Variants in DNER observed in about 807,000 individuals in gnomAD.
DNER encodes the protein delta/notch like EGF repeat containing.
In DNER, 33 loss-of-function variants were observed where a neutral mutation model predicts 78.2. The observed-to-expected ratio is 0.42, with a 90% CI of 0.32 to 0.56. DNER has a LOEUF of 0.56. DNER is among the 20% of genes least tolerant of loss of function. DNER has a pLI of 0.11. For synonymous variants in DNER, 417 were observed against 384.8 expected (o/e 1.08, Z -0.98); for missense variants, 918 against 975.3 (o/e 0.94, Z 0.78).
At chr2:229,567,381 C>T (rs1220379802) in intron 4 of DNER, among the ~76,000 whole-genome samples, 2 of 152,128 alleles carry the variant, frequency 1.3e-5, no homozygotes. Flanking sequence ...ACTCAGAAAA[C>T]ATTTTGAAAG....
At chr2:229,588,959 C>T (rs752957243) in intron 2 of DNER, among the ~76,000 whole-genome samples, 1 of 152,242 alleles carries the variant, frequency 6.6e-6, no homozygotes, top group Non-Finnish European at 1.5e-5. Flanking sequence ...CTTCTGTGTG[C>T]TGATGGGTCC....
chr2:229,653,571 C>T (rs576857493), intron 1 of DNER, among the ~76,000 whole-genome samples: 2 of 148,478 alleles, frequency 1.3e-5, no homozygotes, highest in Admixed American at 6.7e-5. Flanking sequence ...GCTAGCACCC[C>T]CTGCCCAACA....
At chr2:229,667,741 T>C (rs2154216730) in intron 1 of DNER, among the ~76,000 whole-genome samples, 1 of 152,326 alleles carries the variant, frequency 6.6e-6, no homozygotes, top group South Asian at 2.1e-4. Context: ...TATAGCTTAA[T>C]GGTTTCAACA....
At chr2:229,707,033 C>G (rs1017316664) in intron 1 of DNER, among the ~76,000 whole-genome samples, 1 of 151,878 alleles carries the variant, frequency 6.6e-6, no homozygotes, top group African/African-American at 2.4e-5. Flanking sequence ...TTTTTTCCCC[C>G]GAGACAGAGT....
intron 5 of DNER, among the ~76,000 whole-genome samples, chr2:229,540,564 T>C (rs771063534): frequency 6.6e-6 from 1 of 152,184 alleles, no homozygotes; most frequent in Non-Finnish European, 1.5e-5. Flanking sequence ...ACAGTGGGTA[T>C]TATCAAGCAA....
chr2:229,515,134 A>C (rs1014897789), intron 5 of DNER, among the ~76,000 whole-genome samples: 1 of 152,220 alleles, frequency 6.6e-6, no homozygotes. Flanking sequence ...CTAGCAATAA[A>C]ATGAGGATCT....
chr2:229,432,824 G>A (rs1236877368), intron 8 of DNER, among the ~76,000 whole-genome samples: 4 of 152,188 alleles, frequency 2.6e-5, no homozygotes, highest in Non-Finnish European at 5.9e-5. Flanking sequence ...GAATAGAAAA[G>A]TATACAACGT....
At chr2:229,454,996 T>C (rs1396658008) in intron 7 of DNER, among the ~76,000 whole-genome samples, 1 of 152,120 alleles carries the variant, frequency 6.6e-6, no homozygotes, top group Admixed American at 6.5e-5. Flanking sequence ...ACAGCAATTA[T>C]GAGATAATTT....
At position 229,439,968 on chromosome 2, in the gene DNER, T is replaced by A. The variant is rs553801172; in HGVS notation, c.1486+7348A>T. Among the ~76,000 whole-genome samples the A allele has an allele frequency of 3.3e-5, 5 of 152,312 alleles. No individual in the cohort carries two copies. The East Asian group carries it at 9.6e-4, about 29-fold the overall frequency. ...CAGCAAAGAATGAGTTCTGAATGAT[T>A]TGAATTTTGAGGGAAAGTCAGGGAG... On this transcript the variant is annotated intron_variant, in intron 8 of 12. Coordinates refer to ENST00000341772, the MANE Select transcript of DNER (RefSeq NM_139072.4).
chr2:229,420,618 A>T (rs1693744413), intron 8 of DNER, among the ~76,000 whole-genome samples: 1 of 152,248 alleles, frequency 6.6e-6, no homozygotes, highest in Admixed American at 6.5e-5. Context: ...AAATAATACA[A>T]ATGGCCAACA....
At chr2:229,406,902 TTC>T (rs1693399834) in intron 10 of DNER, among the ~76,000 whole-genome samples, 1 of 152,220 alleles carries the variant, frequency 6.6e-6, no homozygotes, top group Non-Finnish European at 1.5e-5. Context: ...TCTTTCCATC[TTC>T]TGACTTTTAT....
At chr2:229,615,735 G>T (rs1475723863) in intron 1 of DNER, among the ~76,000 whole-genome samples, 1 of 152,038 alleles carries the variant, frequency 6.6e-6, no homozygotes, top group Non-Finnish European at 1.5e-5. Flanking sequence ...GAACTGTTTT[G>T]TAGAGGACAA....
intron 8 of DNER, among the ~76,000 whole-genome samples, chr2:229,424,861 C>T (rs867550417): frequency 1.3e-5 from 2 of 151,878 alleles, no homozygotes; most frequent in African/African-American, 2.4e-5. Context: ...AATGTTGAGT[C>T]GCATCCCTGA....
intron 12 of DNER, 79 bp downstream of exon 12, chr2:229,366,794 A>G: frequency 1.3e-6 from 2 of 1,568,972 alleles, no homozygotes; most frequent in Non-Finnish European, 8.6e-7. Context: ...GCAAATGGAA[A>G]GTCCTGTGTA....
At chr2:229,680,180 G>C (rs1699362454) in intron 1 of DNER, among the ~76,000 whole-genome samples, 1 of 152,018 alleles carries the variant, frequency 6.6e-6, no homozygotes. Flanking sequence ...GAGGAATAAT[G>C]GTACAAAACT....
chr2:229,459,504 T>C (rs1392211768), intron 7 of DNER, among the ~76,000 whole-genome samples: 2 of 152,096 alleles, frequency 1.3e-5, no homozygotes, highest in Non-Finnish European at 2.9e-5. Flanking sequence ...TATTCTTTCT[T>C]ACTTATCACA....
chr2:229,610,294 C>T (rs1009925737), intron 1 of DNER, among the ~76,000 whole-genome samples: 2 of 152,212 alleles, frequency 1.3e-5, no homozygotes, highest in African/African-American at 2.4e-5. Context: ...TCAGGAAACA[C>T]TCTCAACGGC....
At chr2:229,521,713 G>GA (rs537914298) in intron 5 of DNER, among the ~76,000 whole-genome samples, 5 of 152,118 alleles carry the variant, frequency 3.3e-5, no homozygotes, top group Non-Finnish European at 7.4e-5. Context: ...GACTACCTGA[G>GA]AATTCCATGT....
chr2:229,585,917 G>T lies in DNER; in HGVS notation c.788C>A (p.Ala263Asp). ...CTCCAGGAGGACCAGTCCCCCTGAA[G>T]CCTGAAGGGGGGTCACACTTCGTCC... ...IDGRSVTPLQ[A>D]SGGLVLLEEM... The change falls in exon 4 of 13, where the codon GCT becomes GAT. Residue 263 changes from alanine (A) to aspartate (D), a missense_variant. Physicochemically the swap from Ala to Asp is moderately radical, Grantham distance 126. Transcript: ENST00000341772. 1.2e-6 allele frequency: 2 copies of T among 1,614,116 alleles called. No individual in the cohort carries two copies. Among genetic ancestry groups the T allele is most frequent in the Non-Finnish European group, 1.7e-6 (2 of 1,180,004 alleles).
Sources: gnomAD v4.1 joint callset for allele counts (sites outside exome capture counted in the v4.1 genomes callset) on GRCh38, gnomAD v4.1.1 for gene constraint, MANE v1.5 for transcripts, NCBI Gene and HGNC (gene_info 2026-07-23, HGNC 2026-07-21) for gene names.